The following TRABD2A variants were observed in gnomAD, a reference collection of about 807,000 sequenced individuals.
TRABD2A encodes metalloprotease TIKI1.
Under a neutral mutation model 45.6 loss-of-function variants are expected in TRABD2A, and 43 were observed. The ratio of observed to expected loss-of-function variants is 0.94; its 90% CI spans 0.74 to 1.22. TRABD2A has a LOEUF of 1.22. Ranked by LOEUF, TRABD2A falls within the 50% of genes most tolerant of loss-of-function variation. The probability of loss-of-function intolerance (pLI) is 0.00; values close to 1 mark genes in which losing one functional copy is unlikely to be tolerated. For synonymous variants in TRABD2A, 269 were observed against 265.0 expected (o/e 1.02, Z -0.15); for missense variants, 642 against 652.4 (o/e 0.98, Z 0.17).
At chr2:84,867,947 G>A (rs1008031586) in intron 2 of TRABD2A, among the ~76,000 whole-genome samples, 1 of 152,214 alleles carries the variant, frequency 6.6e-6, no homozygotes, top group Non-Finnish European at 1.5e-5. Flanking sequence ...AGGTACTGGA[G>A]AGGATGTGGA....
chr2:84,824,318 A>G, intron 5 of TRABD2A, 114 bp from the exon 6 acceptor site: 2 of 1,442,226 alleles, frequency 1.4e-6, no homozygotes. Flanking sequence ...CTGAAAGTTC[A>G]AGCTGGCCAG....
intron 4 of TRABD2A, chr2:84,835,934 C>T (rs1282109743): frequency 6.6e-6 from 1 of 152,218 alleles, no homozygotes; most frequent in Admixed American, 6.5e-5. Context: ...TTTCAACACA[C>T]AAGTTTTAAG....
intron 3 of TRABD2A, among the ~76,000 whole-genome samples, chr2:84,839,838 C>G (rs556591268): frequency 2.0e-5 from 3 of 152,290 alleles, no homozygotes; most frequent in Non-Finnish European, 4.4e-5. Context: ...TGTTCTTTGC[C>G]CTCCTGGCAA....
chr2:84,880,814 A>G, intron 1 of TRABD2A, 118 bp downstream of exon 1: 1 of 1,464,764 alleles, frequency 6.8e-7, no homozygotes, highest in South Asian at 1.3e-5. Flanking sequence ...TGCTAGGTGA[A>G]AGCCCAGCCG....
chr2:84,824,351 C>G lies in TRABD2A; in HGVS notation c.1083-147G>C, dbSNP rs79132899. 8.4e-4 allele frequency: 986 copies of G among 1,166,910 alleles called. 9 individuals carry two copies. The African/African-American group carries it at 0.014, about 16-fold the overall frequency. 72.3% of individuals were successfully genotyped at this position (1,166,910 alleles called of 1,614,324 possible). ...CAGGAAGGGCAGAAATTACCCAGTT[C>G]TTGAAATTACCTTGGGAATTTATCT... On this transcript the variant is annotated intron_variant, in intron 5 of 6. Coordinates refer to ENST00000409520, the MANE Select transcript of TRABD2A (RefSeq NM_001277053.2).
At chr2:84,845,253 A>C (rs1333049246) in intron 2 of TRABD2A, among the ~76,000 whole-genome samples, 2 of 152,216 alleles carry the variant, frequency 1.3e-5, no homozygotes, top group Non-Finnish European at 2.9e-5. Flanking sequence ...TGGGAGGCTG[A>C]AGCACGAGAA....
intron 5 of TRABD2A, among the ~76,000 whole-genome samples, chr2:84,829,053 G>C (rs565391373): frequency 2.0e-5 from 3 of 152,140 alleles, no homozygotes; most frequent in Non-Finnish European, 2.9e-5. Flanking sequence ...GGAGGGGTCT[G>C]TGCTATTTCC....
At chr2:84,844,245 C>G (rs927495037) in intron 2 of TRABD2A, among the ~76,000 whole-genome samples, 1 of 152,246 alleles carries the variant, frequency 6.6e-6, no homozygotes, top group East Asian at 1.9e-4. Context: ...TGAGAGGGAC[C>G]CAGTGGGAGG....
chr2:84,840,758 T>A (rs1681684502), intron 3 of TRABD2A, among the ~76,000 whole-genome samples: 1 of 152,234 alleles, frequency 6.6e-6, no homozygotes, highest in South Asian at 2.1e-4. Context: ...CCACCAACTC[T>A]ATTTTTCCTT....
chr2:84,867,759 T>C (rs1682729062), intron 2 of TRABD2A, among the ~76,000 whole-genome samples: 1 of 152,070 alleles, frequency 6.6e-6, no homozygotes, highest in South Asian at 2.1e-4. Flanking sequence ...AACAACCCCA[T>C]CACAAAGTGG....
At chr2:84,841,757 C>T (rs1681716994) in intron 3 of TRABD2A, 104 bp downstream of exon 3, 1 of 1,260,472 alleles carries the variant, frequency 7.9e-7, no homozygotes, top group Non-Finnish European at 1.0e-6. Context: ...CTAGAGCCCT[C>T]ATGACCTCAA....
At chr2:84,831,544 A>G (rs1306951386) in intron 5 of TRABD2A, among the ~76,000 whole-genome samples, 3 of 151,668 alleles carry the variant, frequency 2.0e-5, no homozygotes, top group Non-Finnish European at 4.4e-5. Flanking sequence ...AAAAAAAAAA[A>G]AGAGAGAGAA....
intron 2 of TRABD2A, 130 bp from the exon 3 acceptor site, chr2:84,842,137 A>G: frequency 2.0e-6 from 2 of 985,038 alleles, no homozygotes; most frequent in Non-Finnish European, 2.8e-6. Flanking sequence ...GTGCTACTTA[A>G]AAAAGGGAAC....
intron 2 of TRABD2A, among the ~76,000 whole-genome samples, chr2:84,853,824 A>G (rs985379157): frequency 6.6e-6 from 1 of 152,210 alleles, no homozygotes; most frequent in Non-Finnish European, 1.5e-5. Context: ...TTTCGAGACC[A>G]GCCTGGCCAA....
At chr2:84,868,289 A>G (rs1256132828) in intron 2 of TRABD2A, among the ~76,000 whole-genome samples, 2 of 152,168 alleles carry the variant, frequency 1.3e-5, no homozygotes, top group East Asian at 3.8e-4. Context: ...CTTTGTAGGG[A>G]CATGGATGAA....
At chr2:84,879,937 A>C (rs964293952) in intron 1 of TRABD2A, among the ~76,000 whole-genome samples, 2 of 152,190 alleles carry the variant, frequency 1.3e-5, no homozygotes, top group African/African-American at 2.4e-5. Flanking sequence ...GGAGCTGCGC[A>C]GGTGTCATCA....
chr2:84,841,946 T>C lies in TRABD2A; in HGVS notation c.731A>G (p.Gln244Arg). Residue 244 changes from glutamine (Q) to arginine (R), a missense_variant, in exon 3 of 7, where the codon CAG becomes CGG. Transcript: ENST00000409520. ...GAGATCCTCCGTCGTGTAGGGGATC[T>C]GAAGACTGCCTGCTCGCAGGCTTTC... ...QQESLRAGSL[Q>R]IPYTTEDLIK... 1 of 1,545,156 alleles carries C rather than the reference T, an allele frequency of 6.5e-7. No individual in the cohort carries two copies. Among genetic ancestry groups the C allele is most frequent in the Non-Finnish European group, 8.7e-7 (1 of 1,144,796 alleles).
intron 5 of TRABD2A, among the ~76,000 whole-genome samples, chr2:84,826,462 A>G (rs1294464743): frequency 6.6e-6 from 1 of 152,184 alleles, no homozygotes; most frequent in Non-Finnish European, 1.5e-5. Flanking sequence ...CTACTTTACA[A>G]TTAAGGAAAC....
At chr2:84,823,809 A>G in intron 6 of TRABD2A, 144 bp downstream of exon 6, 1 of 1,159,286 alleles carries the variant, frequency 8.6e-7, no homozygotes, top group East Asian at 2.6e-5. Flanking sequence ...CACAGTGGAC[A>G]GAAAAAGGGT....
Sources: gnomAD v4.1 joint callset for allele counts (sites outside exome capture counted in the v4.1 genomes callset) on GRCh38, gnomAD v4.1.1 for gene constraint, MANE v1.5 for transcripts, NCBI Gene and HGNC (gene_info 2026-07-23, HGNC 2026-07-21) for gene names.